PTGIS: variants seen among roughly 807,000 people sequenced by gnomAD.
PTGIS encodes the protein prostaglandin I2 synthase.
Under a neutral mutation model 50.3 loss-of-function variants are expected in PTGIS, and 45 were observed. The observed-to-expected ratio is 0.90, with a 90% CI of 0.70 to 1.15. The LOEUF (loss-of-function observed/expected upper bound fraction) is 1.15. Ranked by LOEUF, PTGIS falls within the 50% of genes most tolerant of loss-of-function variation. The pLI, the probability that PTGIS is intolerant of heterozygous loss-of-function variation, is 0.00. For missense variants in PTGIS, 668 were observed against 661.3 expected (o/e 1.01, Z -0.11); for synonymous variants, 260 against 267.7 (o/e 0.97, Z 0.28).
In PTGIS at chr20:49,511,157, A is replaced by T; in HGVS notation, c.1229T>A (p.Leu410Gln). 1 of 1,614,262 alleles carries T rather than the reference A, an allele frequency of 6.2e-7. No homozygotes were observed. The highest frequency in any genetic ancestry group is 8.5e-7 in the Non-Finnish European group (1 of 1,180,052). ...DPEVFKYNRF[L>Q]NPDGSEKKDF... ...TTTCTTCTCTGATCCGTCAGGGTTC[A>T]GGAATCGGTTGTATTTAAATACCTG... Residue 410 changes from leucine (L) to glutamine (Q), a missense_variant, in exon 9 of 10, where the codon CTG becomes CAG. By Grantham distance (113) the Leu-to-Gln change is moderately radical (BLOSUM62 -2). Coordinates refer to ENST00000244043, the MANE Select transcript of PTGIS (RefSeq NM_000961.4).
At chr20:49,510,049 C>T (rs575641578) in intron 9 of PTGIS, among the ~76,000 whole-genome samples, 210 of 151,862 alleles carry the variant, frequency 1.4e-3, no homozygotes, top group African/African-American at 3.8e-3. Context: ...CCACCACACC[C>T]GGCCAATTTT....
intron 5 of PTGIS, among the ~76,000 whole-genome samples, chr20:49,525,139 A>G (rs1191042539): frequency 1.3e-5 from 2 of 152,156 alleles, no homozygotes; most frequent in East Asian, 1.9e-4. Context: ...TCTCAAACTC[A>G]ACTCACTCCA....
intron 5 of PTGIS, among the ~76,000 whole-genome samples, chr20:49,525,347 A>G (rs1218676231): frequency 6.6e-6 from 1 of 152,228 alleles, no homozygotes. Flanking sequence ...AAAAGTTTTT[A>G]ATCACTGTGC....
At position 49,507,928 on chromosome 20, in the gene PTGIS, G is replaced by T; in HGVS notation, c.1495C>A (p.Arg499Ser). ...TCCATCTGCTCCCTGTGTCATGGGC[G>T]GATGCGGTAGCGGACGGGCACGTCG... Reference protein sequence around the residue: ...EHDVPVRYRIRP With the variant: ...EHDVPVRYRISP Residue 499 changes from arginine to serine, a missense_variant, in exon 10 of 10, where the codon CGC becomes AGC. Arg to Ser is a moderately radical substitution (Grantham distance 110, BLOSUM62 -1). Coordinates refer to ENST00000244043, the MANE Select transcript of PTGIS (RefSeq NM_000961.4). 6.2e-7 allele frequency: 1 copy of T among 1,612,290 alleles called. No homozygotes were observed. The highest frequency in any genetic ancestry group is 2.2e-5 in the East Asian group (1 of 44,888).
At chr20:49,537,194 T>C (rs777345702) in intron 5 of PTGIS, among the ~76,000 whole-genome samples, 8 of 152,130 alleles carry the variant, frequency 5.3e-5, no homozygotes, top group Non-Finnish European at 7.4e-5. Context: ...CTGAGGGACC[T>C]ACGTTATGAA....
At chr20:49,510,471 A>G (rs1409783510) in intron 9 of PTGIS, among the ~76,000 whole-genome samples, 1 of 152,146 alleles carries the variant, frequency 6.6e-6, no homozygotes, top group Non-Finnish European at 1.5e-5. Flanking sequence ...CCCTCATTTT[A>G]CAGTTGAGGA....
At chr20:49,534,374 T>C (rs537174221) in intron 5 of PTGIS, among the ~76,000 whole-genome samples, 1 of 152,362 alleles carries the variant, frequency 6.6e-6, no homozygotes, top group African/African-American at 2.4e-5. Context: ...TTTGCCCACA[T>C]GCCTCTGGTC....
chr20:49,531,682 C>A (rs1981940035), intron 5 of PTGIS, among the ~76,000 whole-genome samples: 1 of 152,096 alleles, frequency 6.6e-6, no homozygotes, highest in African/African-American at 2.4e-5. Context: ...GGCTGGAGTG[C>A]AATGGCGTAG....
chr20:49,526,902 G>A (rs1981806342), intron 5 of PTGIS, among the ~76,000 whole-genome samples: 1 of 152,128 alleles, frequency 6.6e-6, no homozygotes. Flanking sequence ...CAGTTGCTGT[G>A]AAAAAGAGTT....
Position 49,518,530 on chromosome 20 carries a change from T to A in PTGIS, c.856-4135A>T, listed in dbSNP as rs574823325. On this transcript the variant is annotated intron_variant, in intron 6 of 9. Coordinates refer to ENST00000244043, the MANE Select transcript of PTGIS (RefSeq NM_000961.4). ...CAATGTCCCAATGTGAATTTCTTAG[T>A]CTTGATGAATGTATTGTGGTTATGT... Among the ~76,000 whole-genome samples the A allele has an allele frequency of 1.2e-4, 19 of 152,274 alleles. 1 individual carries two copies. In the South Asian group the frequency reaches 3.9e-3, roughly 32 times the overall value.
rs570327195 is a variant in PTGIS, at chr20:49,507,610, G to T, written c.*310C>A. ...GGGGGCAGAGCAGTGAAGACTCCTA[G>T]TTCTGCCTTATCTGAATAGCATTTG... is the stretch of plus-strand genomic sequence containing the variant. On this transcript the variant is annotated 3_prime_UTR_variant, in exon 10 of 10. Transcript: ENST00000244043. The T allele has an allele frequency of 3.7e-5, 16 of 437,124 alleles. No homozygotes were observed. The East Asian group carries it at 7.4e-4, about 20-fold the overall frequency. The allele number at this position is 437,124 out of a possible 1,614,324, so 27.1% of individuals were successfully genotyped here. A position where few individuals can be genotyped will look rare whatever the true frequency, so the allele number is the denominator to read the frequency against.
intron 8 of PTGIS, among the ~76,000 whole-genome samples, chr20:49,512,249 GTGGA>G (rs1205885033): frequency 6.6e-6 from 1 of 150,870 alleles, no homozygotes; most frequent in Non-Finnish European, 1.5e-5. Flanking sequence ...GGATGCATGG[GTGGA>G]TGGATAGATT....
Position 49,567,470 on chromosome 20 carries a change from C to T in PTGIS, c.74+573G>A, listed in dbSNP as rs979449128. Among the ~76,000 whole-genome samples, 3 of 152,260 alleles carry T rather than the reference C, an allele frequency of 2.0e-5. No homozygotes were observed. The East Asian group carries it at 5.8e-4, about 29-fold the overall frequency. ...CCCCCGTCTTCCAGACGGGGAATCCCGGGGTGGGTGGTTCCAGGGCATGAT... is the reference window on the plus strand; with the variant it reads ...CCCCCGTCTTCCAGACGGGGAATCCTGGGGTGGGTGGTTCCAGGGCATGAT... On this transcript the variant is annotated intron_variant, in intron 1 of 9. Coordinates refer to ENST00000244043, the MANE Select transcript of PTGIS (RefSeq NM_000961.4).
intron 1 of PTGIS, among the ~76,000 whole-genome samples, chr20:49,567,089 G>A (rs1275668209): frequency 6.6e-6 from 1 of 152,178 alleles, no homozygotes; most frequent in Non-Finnish European, 1.5e-5. Context: ...GGCCCAGAGA[G>A]GGAGAGAGGA....
chr20:49,541,339 T>A (rs1002744954), intron 4 of PTGIS, among the ~76,000 whole-genome samples: 3 of 152,126 alleles, frequency 2.0e-5, no homozygotes, highest in Non-Finnish European at 2.9e-5. Flanking sequence ...ACACTGGTCA[T>A]CATTTATCAT....
chr20:49,524,244 AGG>A lies in PTGIS; in HGVS notation c.674-7_674-6del. On this transcript the variant is annotated splice_polypyrimidine_tract_variant and splice_region_variant and intron_variant, in intron 5 of 9. Coordinates refer to ENST00000244043, the MANE Select transcript of PTGIS (RefSeq NM_000961.4). ...TGCACATGTGGTCCTTGTCCCCTGCAGGGACAGAGCACAGAGAGTAGGGGTTA... is the reference window on the plus strand; with the variant it reads ...TGCACATGTGGTCCTTGTCCCCTGCAGACAGAGCACAGAGAGTAGGGGTTA... 1 of 1,613,900 alleles carries A rather than the reference AGG, an allele frequency of 6.2e-7. No homozygotes were observed. Among genetic ancestry groups the A allele is most frequent in the Non-Finnish European group, 8.5e-7 (1 of 1,179,928 alleles).
chr20:49,558,571 G>T (rs1038174787), intron 1 of PTGIS, among the ~76,000 whole-genome samples: 1 of 152,144 alleles, frequency 6.6e-6, no homozygotes, highest in African/African-American at 2.4e-5. Context: ...AATTGAAAAC[G>T]TTGGATCTTA....
intron 6 of PTGIS, among the ~76,000 whole-genome samples, chr20:49,518,477 T>C (rs374218379): frequency 1.3e-5 from 2 of 152,178 alleles, no homozygotes; most frequent in East Asian, 3.8e-4. Flanking sequence ...TGGGGCAATG[T>C]GAATAAAGTA....
intron 5 of PTGIS, among the ~76,000 whole-genome samples, chr20:49,532,603 A>G (rs1011776157): frequency 5.9e-5 from 9 of 152,270 alleles, no homozygotes; most frequent in African/African-American, 2.2e-4. Flanking sequence ...AATAAACGCT[A>G]TATTATTAAA....
Sources: allele counts gnomAD v4.1 joint callset (sites outside exome capture counted in the v4.1 genomes callset), GRCh38; gene constraint gnomAD v4.1.1; transcripts MANE v1.5; gene names NCBI Gene and HGNC (gene_info 2026-07-23, HGNC 2026-07-21).